The following GLDC variants were observed in gnomAD, a reference collection of about 807,000 sequenced individuals.
GLDC encodes the protein glycine decarboxylase.
Under a neutral mutation model 121.3 loss-of-function variants are expected in GLDC, and 104 were observed. The observed-to-expected ratio is 0.86, with a 90% CI of 0.73 to 1.01. The LOEUF (loss-of-function observed/expected upper bound fraction) is 1.01. GLDC is among the 50% of genes least tolerant of loss of function. GLDC has a pLI of 0.00. For synonymous variants in GLDC, 546 were observed against 480.6 expected (o/e 1.14, Z -1.78); for missense variants, 1,429 against 1,306.6 (o/e 1.09, Z -1.44).
At chr9:6,636,707 C>T (rs1275183489) in intron 2 of GLDC, among the ~76,000 whole-genome samples, 1 of 151,814 alleles carries the variant, frequency 6.6e-6, no homozygotes, top group Non-Finnish European at 1.5e-5. Context: ...CCCAGGAGGT[C>T]GAGGCTGCAG....
chr9:6,603,151 C>G (rs1040403379), intron 7 of GLDC, among the ~76,000 whole-genome samples: 3 of 151,782 alleles, frequency 2.0e-5, no homozygotes, highest in African/African-American at 7.3e-5. Context: ...TCACTTGAAC[C>G]TGGGAGGCAG....
At chr9:6,569,665 C>G (rs1180751576) in intron 15 of GLDC, among the ~76,000 whole-genome samples, 2 of 150,144 alleles carry the variant, frequency 1.3e-5, no homozygotes, top group Non-Finnish European at 3.0e-5. Context: ...AACAAACAAA[C>G]AAAAAGAAAT....
chr9:6,542,846 A>G (rs926545586), intron 21 of GLDC, among the ~76,000 whole-genome samples: 2 of 144,738 alleles, frequency 1.4e-5, no homozygotes, highest in African/African-American at 5.2e-5. Flanking sequence ...AGATCACATC[A>G]CTGCATTCCA....
intron 16 of GLDC, among the ~76,000 whole-genome samples, chr9:6,562,055 C>A (rs1209176190): frequency 6.6e-6 from 1 of 152,192 alleles, no homozygotes; most frequent in Non-Finnish European, 1.5e-5. Context: ...CTCTGAACAG[C>A]AAACCTAATT....
At chr9:6,549,907 C>G (rs1389017206) in intron 21 of GLDC, among the ~76,000 whole-genome samples, 1 of 152,180 alleles carries the variant, frequency 6.6e-6, no homozygotes, top group Non-Finnish European at 1.5e-5. Context: ...CCTTTAATGG[C>G]TATTGTCCAG....
chr9:6,637,014 G>A (rs1038336334), intron 2 of GLDC, among the ~76,000 whole-genome samples: 3 of 152,062 alleles, frequency 2.0e-5, no homozygotes, highest in African/African-American at 7.2e-5. Context: ...AACCCAGGAG[G>A]CGGAGGTTGC....
chr9:6,533,628 G>A (rs1283751626), intron 24 of GLDC, among the ~76,000 whole-genome samples: 2 of 152,070 alleles, frequency 1.3e-5, no homozygotes, highest in Non-Finnish European at 2.9e-5. Flanking sequence ...GGAGGCCAAG[G>A]CAGGCAGATC....
In GLDC at chr9:6,645,286, C is replaced by A. The variant is rs1819720191; in HGVS notation, c.214G>T (p.Asp72Tyr). 2 of 1,603,570 alleles carry A rather than the reference C, an allele frequency of 1.2e-6. No individual in the cohort carries two copies. The highest frequency in any genetic ancestry group is 1.7e-6 in the Non-Finnish European group (2 of 1,175,650). Reference sequence around the variant, plus strand: ...TGCAGCATCTCTCTCTGGTCTTTGTCCCCAGGGCCGATGTGCCTCCGAGCG... The same window carrying A: ...TGCAGCATCTCTCTCTGGTCTTTGTACCCAGGGCCGATGTGCCTCCGAGCG... ...DFARRHIGPG[D>Y]KDQREMLQTL... Residue 72 changes from aspartate (D) to tyrosine (Y), a missense_variant, in exon 1 of 25, where the codon GAC (aspartate) becomes TAC (tyrosine). Asp to Tyr is a radical substitution (Grantham distance 160, BLOSUM62 -3). Coordinates refer to ENST00000321612, the MANE Select transcript of GLDC (RefSeq NM_000170.3).
At chr9:6,577,137 C>A (rs1352093795) in intron 15 of GLDC, among the ~76,000 whole-genome samples, 1 of 152,234 alleles carries the variant, frequency 6.6e-6, no homozygotes, top group Non-Finnish European at 1.5e-5. Context: ...CGGAAAGGCA[C>A]AGCAGCAAGG....
intron 2 of GLDC, among the ~76,000 whole-genome samples, chr9:6,641,773 A>T (rs992142816): frequency 3.7e-4 from 57 of 152,206 alleles, no homozygotes; most frequent in Non-Finnish European, 4.4e-4. Context: ...AGTATTTCCA[A>T]ACTGATCACA....
chr9:6,535,842 C>G (rs894195169), intron 23 of GLDC: 1 of 567,736 alleles, frequency 1.8e-6, no homozygotes, highest in Admixed American at 2.8e-5. Flanking sequence ...TCCAACTAGA[C>G]AGCTGTGGAC....
chr9:6,635,441 G>A (rs980673198), intron 2 of GLDC, among the ~76,000 whole-genome samples: 5 of 152,154 alleles, frequency 3.3e-5, no homozygotes, highest in African/African-American at 1.2e-4. Context: ...TAGCCCTCAA[G>A]AATAGCACTA....
intron 21 of GLDC, among the ~76,000 whole-genome samples, chr9:6,546,149 C>G (rs1817383430): frequency 6.6e-6 from 1 of 151,922 alleles, no homozygotes; most frequent in Admixed American, 6.6e-5. Context: ...ACACCTTTGT[C>G]TAGGCCTACA....
In GLDC at chr9:6,604,608, T is replaced by G; in HGVS notation, c.1038A>C (p.Gly346=). The G allele has an allele frequency of 6.2e-7, 1 of 1,612,642 alleles. No homozygotes were observed. The highest frequency in any genetic ancestry group is 8.5e-7 in the Non-Finnish European group (1 of 1,179,878). Residue 346 remains glycine (G), a synonymous_variant, in exon 7 of 25, where the codon GGA becomes GGC. Coordinates refer to ENST00000321612, the MANE Select transcript of GLDC (RefSeq NM_000170.3). ...TTTACCTTGTTACCCCCACCATTCT[T>G]CCAGGCATCATTCTCACCAAGCTTT... is the stretch of plus-strand genomic sequence containing the variant. The part of the protein sequence containing the change: ...VRESLVRMMP[G]RMVGVTRDAT...
intron 2 of GLDC, among the ~76,000 whole-genome samples, chr9:6,627,742 G>C (rs140840124): frequency 2.0e-5 from 3 of 152,304 alleles, no homozygotes; most frequent in East Asian, 1.9e-4. Flanking sequence ...TTGATGAACA[G>C]AGGGGTAAGC....
intron 2 of GLDC, among the ~76,000 whole-genome samples, chr9:6,629,290 C>T (rs1224294129): frequency 6.0e-5 from 9 of 150,918 alleles, no homozygotes; most frequent in African/African-American, 2.2e-4. Flanking sequence ...TCTCGGCTCA[C>T]TGCAACCTCC....
chr9:6,573,592 C>A (rs1005240739), intron 15 of GLDC, among the ~76,000 whole-genome samples: 6 of 152,056 alleles, frequency 3.9e-5, no homozygotes, highest in African/African-American at 9.7e-5. Flanking sequence ...TGTCACCCCC[C>A]AGAAGGAAAT....
intron 19 of GLDC, among the ~76,000 whole-genome samples, chr9:6,554,305 G>C (rs1361047763): frequency 6.8e-6 from 1 of 146,502 alleles, no homozygotes; most frequent in East Asian, 2.0e-4. Flanking sequence ...TTTTAAAAAA[G>C]AAAAAAAAAA....
At chr9:6,640,488 C>T (rs1819607426) in intron 2 of GLDC, among the ~76,000 whole-genome samples, 1 of 152,224 alleles carries the variant, frequency 6.6e-6, no homozygotes, top group Admixed American at 6.5e-5. Context: ...CCTGCAGCTG[C>T]ATTACACAAT....
Sources: allele counts gnomAD v4.1 joint callset (sites outside exome capture counted in the v4.1 genomes callset), GRCh38; gene constraint gnomAD v4.1.1; transcripts MANE v1.5; gene names NCBI Gene and HGNC (gene_info 2026-07-23, HGNC 2026-07-21).